Variants in SREK1IP1 observed in about 807,000 individuals in gnomAD.
SREK1IP1 encodes the protein SREK1 interacting protein 1, also known as protein SREK1IP1.
Under a neutral mutation model 22.8 loss-of-function variants are expected in SREK1IP1, and 12 were observed. That is an observed-to-expected ratio of 0.53 (90% CI 0.34 to 0.85). The LOEUF (loss-of-function observed/expected upper bound fraction) is 0.85, where lower values mean the gene tolerates loss of function less well. SREK1IP1 is among the 40% of genes least tolerant of loss of function. The pLI, the probability that SREK1IP1 is intolerant of heterozygous loss-of-function variation, is 0.02. For missense variants in SREK1IP1, 147 were observed against 171.8 expected (o/e 0.86, Z 0.81); for synonymous variants, 53 against 52.7 (o/e 1.01, Z -0.02).
chr5:64,740,643 C>T (rs2112096709), intron 3 of SREK1IP1, among the ~76,000 whole-genome samples: 1 of 152,260 alleles, frequency 6.6e-6, no homozygotes, highest in African/African-American at 2.4e-5. Flanking sequence ...CACTGATCTG[C>T]ATGAGCATCA....
At chr5:64,734,828 C>A (rs1049560608) in intron 3 of SREK1IP1, among the ~76,000 whole-genome samples, 6 of 152,004 alleles carry the variant, frequency 3.9e-5, no homozygotes, top group South Asian at 2.1e-4. Context: ...TCTGTAGATA[C>A]TTCTACATAG....
At chr5:64,735,210 T>C (rs932073978) in intron 3 of SREK1IP1, among the ~76,000 whole-genome samples, 19 of 152,160 alleles carry the variant, frequency 1.2e-4, no homozygotes, top group African/African-American at 4.1e-4. Context: ...GACTTCTGAA[T>C]ATAAAACAAA....
intron 2 of SREK1IP1, among the ~76,000 whole-genome samples, chr5:64,745,324 C>T (rs150443218): frequency 0.037 from 5,699 of 152,222 alleles, 374 homozygotes; most frequent in African/African-American, 0.13. Context: ...GGCATGGTGG[C>T]TCATGCCTGT....
intron 4 of SREK1IP1, among the ~76,000 whole-genome samples, chr5:64,725,323 TCTTA>T (rs901864214): frequency 1.5e-4 from 23 of 152,128 alleles, no homozygotes; most frequent in South Asian, 2.1e-4. Context: ...TCTTTTAAGA[TCTTA>T]CTTAAAGAGA....
In SREK1IP1 at chr5:64,718,258, A is replaced by C. The variant is rs764947713; in HGVS notation, c.*6126T>G. On this transcript the variant is annotated 3_prime_UTR_variant, in exon 5 of 5. Coordinates refer to ENST00000513458, the MANE Select transcript of SREK1IP1 (RefSeq NM_173829.4). ...TTTCTGTATCACATGAGATTATGCT[A>C]ATTATTCAGGAGAAATTAAATAATT... The C allele has an allele frequency of 5.4e-6, 2 of 371,884 alleles. No individual in the cohort carries two copies. The highest frequency in any genetic ancestry group is 4.6e-5 in the Admixed American group (1 of 21,752). The allele number at this position is 371,884 out of a possible 1,614,324, so 23.0% of individuals were successfully genotyped here. A position where few individuals can be genotyped will look rare whatever the true frequency, so the allele number is the denominator to read the frequency against.
chr5:64,729,109 G>A (rs1383710972), intron 3 of SREK1IP1, among the ~76,000 whole-genome samples: 1 of 152,156 alleles, frequency 6.6e-6, no homozygotes, highest in Non-Finnish European at 1.5e-5. Context: ...GGGTTATTTG[G>A]CAAGGTAAAG....
chr5:64,733,826 C>T (rs1441570674), intron 3 of SREK1IP1, among the ~76,000 whole-genome samples: 1 of 152,000 alleles, frequency 6.6e-6, no homozygotes, highest in Non-Finnish European at 1.5e-5. Context: ...ACGAATTAGT[C>T]AGTCTGTAGA....
chr5:64,747,083 GCTCT>G (rs527845890), intron 2 of SREK1IP1, among the ~76,000 whole-genome samples: 26 of 152,350 alleles, frequency 1.7e-4, no homozygotes, highest in East Asian at 1.3e-3. Context: ...GCTTCCATGT[GCTCT>G]CTGTGTGCCA....
intron 2 of SREK1IP1, among the ~76,000 whole-genome samples, chr5:64,749,082 T>TA (rs1258942246): frequency 1.6e-4 from 23 of 147,194 alleles, no homozygotes; most frequent in African/African-American, 5.4e-4. Flanking sequence ...ATAATAATAA[T>TA]AATAATAATA....
intron 3 of SREK1IP1, among the ~76,000 whole-genome samples, chr5:64,736,610 C>T (rs748577904): frequency 1.1e-4 from 16 of 151,854 alleles, no homozygotes; most frequent in African/African-American, 2.7e-4. Flanking sequence ...TACAGGCATG[C>T]GCCACCATGC....
chr5:64,746,555 T>C (rs1225602108), intron 2 of SREK1IP1, among the ~76,000 whole-genome samples: 3 of 152,080 alleles, frequency 2.0e-5, no homozygotes, highest in Admixed American at 6.6e-5. Context: ...ATAGAAGAAA[T>C]ACAAATGGTG....
rs1580532936 is a variant in SREK1IP1, at chr5:64,721,098, A to G, written c.*3286T>C. On this transcript the variant is annotated 3_prime_UTR_variant, in exon 5 of 5. Transcript: ENST00000513458. ...TTAATCAAATTGCAATTCAGTCACTACTTTCTCTAGGTAGCCTCTTCTAAT... is the reference window on the plus strand; with the variant it reads ...TTAATCAAATTGCAATTCAGTCACTGCTTTCTCTAGGTAGCCTCTTCTAAT... 1 of 152,170 alleles carries G rather than the reference A, an allele frequency of 6.6e-6. No individual in the cohort carries two copies. The highest frequency in any genetic ancestry group is 2.1e-4 in the South Asian group (1 of 4,828). The allele number at this position is 152,170 out of a possible 1,614,324, so 9.4% of individuals were successfully genotyped here. A position where few individuals can be genotyped will look rare whatever the true frequency, so the allele number is the denominator to read the frequency against.
At chr5:64,745,881 C>T (rs1742625626) in intron 2 of SREK1IP1, among the ~76,000 whole-genome samples, 1 of 151,632 alleles carries the variant, frequency 6.6e-6, no homozygotes, top group African/African-American at 2.4e-5. Flanking sequence ...TTGCAAATTA[C>T]AGTTCTTATG....
intron 2 of SREK1IP1, among the ~76,000 whole-genome samples, chr5:64,752,331 T>C (rs1466535353): frequency 5.9e-5 from 9 of 151,972 alleles, no homozygotes; most frequent in African/African-American, 2.2e-4. Context: ...TTTTGTATTT[T>C]TAGTAGAGAC....
chr5:64,751,377 G>A (rs992840920), intron 2 of SREK1IP1, among the ~76,000 whole-genome samples: 1 of 151,972 alleles, frequency 6.6e-6, no homozygotes, highest in African/African-American at 2.4e-5. Context: ...TATAAATGTG[G>A]AGAAAAAAAG....
Position 64,724,364 on chromosome 5 carries a change from G to A in SREK1IP1, c.*20C>T, listed in dbSNP as rs142639432. The A allele has an allele frequency of 4.5e-4, 670 of 1,495,566 alleles. 1 individual carries two copies. In the African/African-American group the frequency reaches 8.4e-3, roughly 19 times the overall value. 92.6% of individuals were successfully genotyped at this position (1,495,566 alleles called of 1,614,324 possible). A position where few individuals can be genotyped will look rare whatever the true frequency, so the allele number is the denominator to read the frequency against. On this transcript the variant is annotated 3_prime_UTR_variant, in exon 5 of 5. Transcript: ENST00000513458. ...TTAAAAACAAATTTTTAAATTTAACGGCTTAAGCCAAAGTCTCAGTTACTT... is the reference window on the plus strand; with the variant it reads ...TTAAAAACAAATTTTTAAATTTAACAGCTTAAGCCAAAGTCTCAGTTACTT...
chr5:64,754,906 TAATTC>T (rs1299868322), intron 1 of SREK1IP1: 3 of 152,252 alleles, frequency 2.0e-5, no homozygotes, highest in Non-Finnish European at 2.9e-5. Flanking sequence ...CATTTTTTTC[TAATTC>T]AATATAATAA....
At chr5:64,737,472 G>A (rs1350489433) in intron 3 of SREK1IP1, among the ~76,000 whole-genome samples, 8 of 114,554 alleles carry the variant, frequency 7.0e-5, no homozygotes, top group African/African-American at 1.7e-4. Context: ...ATTTTATTAA[G>A]AAAGAAGAGG....
intron 1 of SREK1IP1, among the ~76,000 whole-genome samples, chr5:64,760,238 A>G (rs918900768): frequency 2.0e-5 from 3 of 152,266 alleles, no homozygotes; most frequent in African/African-American, 7.2e-5. Flanking sequence ...TATAAAAAAA[A>G]GAAGATGATA....
Sources: allele counts gnomAD v4.1 joint callset (sites outside exome capture counted in the v4.1 genomes callset), GRCh38; gene constraint gnomAD v4.1.1; transcripts MANE v1.5; gene names NCBI Gene and HGNC (gene_info 2026-07-23, HGNC 2026-07-21).